Variants in RAPH1 observed in about 807,000 individuals in gnomAD.
RAPH1 encodes the protein Ras association (RalGDS/AF-6) and pleckstrin homology domains 1.
Under a neutral mutation model 88.1 loss-of-function variants are expected in RAPH1, and 18 were observed. The ratio of observed to expected loss-of-function variants is 0.20; its 90% CI spans 0.14 to 0.30. The LOEUF is 0.30. Ranked by LOEUF, RAPH1 falls within the 10% of genes least tolerant of loss-of-function variation. The pLI is 1.00. For synonymous variants in RAPH1, 587 were observed against 559.0 expected (o/e 1.05, Z -0.71); for missense variants, 1,448 against 1,543.2 (o/e 0.94, Z 1.03).
chr2:203,487,526 A>G (rs553984318), intron 4 of RAPH1, among the ~76,000 whole-genome samples: 1 of 152,188 alleles, frequency 6.6e-6, no homozygotes, highest in Non-Finnish European at 1.5e-5. Flanking sequence ...GATTACAGGC[A>G]TGCGCCACCA....
In RAPH1 at chr2:203,440,118, G is replaced by T; in HGVS notation, c.3072C>A (p.Pro1024=). 6.2e-7 allele frequency: 1 copy of T among 1,613,510 alleles called. No homozygotes were observed. The highest frequency in any genetic ancestry group is 8.5e-7 in the Non-Finnish European group (1 of 1,179,990). The stretch of plus-strand genomic sequence containing the variant: ...AAAGATTGAGTTTTCCAGGCTTGGG[G>T]GGTGCTGCAGGAGGTGGTAGGGTCT... The part of the protein sequence containing the change: ...SKETLPPPAA[P]PKPGKLNLSG... The change falls in exon 14 of 14, where the codon CCC becomes CCA. Residue 1024 remains proline, a synonymous_variant. Coordinates refer to ENST00000319170, the MANE Select transcript of RAPH1 (RefSeq NM_213589.3).
chr2:203,533,769 AG>A (rs1189412006), intron 1 of RAPH1, among the ~76,000 whole-genome samples: 1 of 152,132 alleles, frequency 6.6e-6, no homozygotes, highest in Non-Finnish European at 1.5e-5. Flanking sequence ...CGAGGAGGAA[AG>A]GAATTTAAGG....
intron 1 of RAPH1, among the ~76,000 whole-genome samples, chr2:203,531,619 C>T (rs548259222): frequency 6.6e-5 from 10 of 152,164 alleles, no homozygotes; most frequent in South Asian, 4.1e-4. Flanking sequence ...AATAAGCATA[C>T]GAAAAGATGC....
intron 4 of RAPH1, among the ~76,000 whole-genome samples, chr2:203,472,877 G>A (rs2098534348): frequency 1.3e-5 from 2 of 152,054 alleles, no homozygotes; most frequent in African/African-American, 4.8e-5. Context: ...TAAGTATGAG[G>A]CAATGATATT....
At chr2:203,496,646 T>C (rs972189222) in intron 1 of RAPH1, among the ~76,000 whole-genome samples, 5 of 152,206 alleles carry the variant, frequency 3.3e-5, no homozygotes, top group Non-Finnish European at 5.9e-5. Flanking sequence ...TTATAAACCC[T>C]GGTTTACAAA....
intron 13 of RAPH1, 182 bp downstream of exon 13, chr2:203,444,686 G>A (rs1332843514): frequency 2.2e-6 from 1 of 457,916 alleles, no homozygotes; most frequent in Non-Finnish European, 3.8e-6. Context: ...TTTCCAAGGG[G>A]AAGTCAAATC....
At chr2:203,510,629 T>C (rs916839634) in intron 1 of RAPH1, among the ~76,000 whole-genome samples, 2 of 151,942 alleles carry the variant, frequency 1.3e-5, no homozygotes. Context: ...CCAATATACA[T>C]ACTGGTGGTG....
At position 203,459,852 on chromosome 2, in the gene RAPH1, A is replaced by G; in HGVS notation, c.1092+55T>C. 7 of 1,571,110 alleles carry G rather than the reference A, an allele frequency of 4.5e-6. No individual in the cohort carries two copies. The South Asian group carries it at 8.2e-5, about 18-fold the overall frequency. ...TTAACTCTAACTTAGCAGTAATCGA[A>G]TAAAATAGGAGACATATTTACAAAT... On this transcript the variant is annotated intron_variant, in intron 7 of 13. Transcript: ENST00000319170.
intron 1 of RAPH1, among the ~76,000 whole-genome samples, chr2:203,506,844 ATCTATC>A (rs1345500718): frequency 7.7e-4 from 15 of 19,522 alleles, no homozygotes; most frequent in South Asian, 2.1e-3. Flanking sequence ...ATATCTATAT[ATCTATC>A]TATATCTATA....
chr2:203,506,898 A>AT (rs1243668890), intron 1 of RAPH1, among the ~76,000 whole-genome samples: 977 of 87,868 alleles, frequency 0.011, 48 homozygotes, highest in East Asian at 0.049. Flanking sequence ...ATATATATAT[A>AT]TTTTTTTTTT....
intron 4 of RAPH1, among the ~76,000 whole-genome samples, chr2:203,469,248 ACTTAGACTTCTACACTGACCAG>A (rs1267181028): frequency 3.3e-5 from 5 of 152,118 alleles, no homozygotes; most frequent in African/African-American, 7.2e-5. Context: ...AAAGAGCTAG[ACTTAGACTTCTACACTGACCAG>A]CTTAGACTTC....
At chr2:203,478,639 G>A (rs1391201528) in intron 4 of RAPH1, among the ~76,000 whole-genome samples, 3 of 151,970 alleles carry the variant, frequency 2.0e-5, no homozygotes, top group East Asian at 1.9e-4. Context: ...ACAGGCACCC[G>A]CCACCGCACC....
intron 4 of RAPH1, among the ~76,000 whole-genome samples, chr2:203,468,574 A>G (rs1276618086): frequency 6.6e-6 from 1 of 152,166 alleles, no homozygotes; most frequent in East Asian, 1.9e-4. Context: ...AACATGATTT[A>G]GAACTTCTTT....
At chr2:203,486,104 A>G (rs1345081458) in intron 4 of RAPH1, among the ~76,000 whole-genome samples, 2 of 151,858 alleles carry the variant, frequency 1.3e-5, no homozygotes, top group Admixed American at 6.6e-5. Context: ...AAAAAAAAAA[A>G]AAAGAAAGAA....
At position 203,440,729 on chromosome 2, in the gene RAPH1, C is replaced by G; in HGVS notation, c.2461G>C (p.Ala821Pro). The stretch of plus-strand genomic sequence containing the variant: ...GGGGGAGAGGGTGGAATGTAAGAAG[C>G]AGGGAAAGCTGGCTGCTTTTTTGCT... ...PPAKKQPAFPASYIPPSPPTP... is the reference protein window; with the variant it reads ...PPAKKQPAFPPSYIPPSPPTP... Residue 821 changes from alanine (A) to proline (P), a missense_variant, in exon 14 of 14, where the codon GCT becomes CCT. By Grantham distance (27) the Ala-to-Pro change is conservative. Around this residue, in one of 2 missense-constraint regions of RAPH1, gnomAD observed 935 missense variants for 890.1 expected, o/e 1.05. Coordinates refer to ENST00000319170, the MANE Select transcript of RAPH1 (RefSeq NM_213589.3). 6.2e-7 allele frequency: 1 copy of G among 1,608,440 alleles called. No homozygotes were observed. Among genetic ancestry groups the G allele is most frequent in the South Asian group, 1.1e-5 (1 of 90,318 alleles).
chr2:203,471,080 A>T (rs2098532699), intron 4 of RAPH1, among the ~76,000 whole-genome samples: 1 of 152,208 alleles, frequency 6.6e-6, no homozygotes, highest in Non-Finnish European at 1.5e-5. Context: ...AGATAAGTTA[A>T]TACAATTGTA....
chr2:203,439,545 C>T lies in RAPH1; in HGVS notation c.3645G>A (p.Lys1215=), dbSNP rs1174894911. Reference sequence around the variant, plus strand: ...ATATATGACTGCCTCCGTAACCAGCCTTCTGTTGATCAGACAGCAGTTCAG... The same window carrying T: ...ATATATGACTGCCTCCGTAACCAGCTTTCTGTTGATCAGACAGCAGTTCAG... The part of the protein sequence containing the change: ...PPPELLSDQQ[K]AGYGGSHISG... The change falls in exon 14 of 14, where the codon AAG becomes AAA. Residue 1215 remains lysine, a synonymous_variant. Transcript: ENST00000319170. 2 of 1,614,046 alleles carry T rather than the reference C, an allele frequency of 1.2e-6. No individual in the cohort carries two copies. Among genetic ancestry groups the T allele is most frequent in the Admixed American group, 3.3e-5 (2 of 60,010 alleles).
intron 1 of RAPH1, among the ~76,000 whole-genome samples, chr2:203,499,689 A>C (rs1392140314): frequency 1.3e-5 from 2 of 152,134 alleles, no homozygotes; most frequent in Non-Finnish European, 2.9e-5. Context: ...CTCCAGCCTG[A>C]GTGACGAGTG....
intron 2 of RAPH1, among the ~76,000 whole-genome samples, chr2:203,494,184 A>AG (rs1200199099): frequency 1.3e-5 from 2 of 152,014 alleles, no homozygotes; most frequent in African/African-American, 4.8e-5. Flanking sequence ...CTTTTCCTTT[A>AG]GTTAAGGAAT....
Sources: allele counts gnomAD v4.1 joint callset (sites outside exome capture counted in the v4.1 genomes callset), GRCh38; gene constraint gnomAD v4.1.1; regional missense constraint gnomAD v4.1.1; transcripts MANE v1.5; gene names NCBI Gene and HGNC (gene_info 2026-07-23, HGNC 2026-07-21).